TEX9: variants seen among roughly 807,000 people sequenced by gnomAD.
The protein encoded by TEX9 is testis expressed 9.
Under a neutral mutation model 59.6 loss-of-function variants are expected in TEX9, and 74 were observed. That is an observed-to-expected ratio of 1.24 (90% CI 1.03 to 1.51). The LOEUF (loss-of-function observed/expected upper bound fraction) is 1.51, where lower values mean the gene tolerates loss of function less well. Among genes scored for constraint, TEX9 ranks in the 40% most tolerant of loss-of-function variants. The pLI is 0.00. For synonymous variants in TEX9, 186 were observed against 152.2 expected (o/e 1.22, Z -1.64); for missense variants, 522 against 447.8 (o/e 1.17, Z -1.49).
At chr15:56,258,764 T>G (rs2141334253) in intron 1 of TEX9, among the ~76,000 whole-genome samples, 1 of 151,998 alleles carries the variant, frequency 6.6e-6, no homozygotes, top group Middle Eastern at 3.4e-3. Flanking sequence ...TATATTCATA[T>G]TGATAGTCTC....
At chr15:56,446,912 T>G (rs1423350369), downstream of TEX9, 3 of 1,609,608 alleles carry the variant, frequency 1.9e-6, no homozygotes, top group African/African-American at 4.0e-5. Context: ...TAAGCTGCTT[T>G]TAATTTCTTC....
chr15:56,342,238 T>G (rs1241987745), intron 1 of TEX9, among the ~76,000 whole-genome samples: 1 of 152,164 alleles, frequency 6.6e-6, no homozygotes, highest in African/African-American at 2.4e-5. Context: ...TTCATTACTC[T>G]TACATTTCAC....
At chr15:56,379,093 GA>G (rs1288910315) in intron 3 of TEX9, among the ~76,000 whole-genome samples, 3 of 127,986 alleles carry the variant, frequency 2.3e-5, no homozygotes, top group South Asian at 2.5e-4. Flanking sequence ...AAGAAAGAAA[GA>G]AAAAAAAAGA....
intron 12 of TEX9, chr15:56,428,535 G>T (rs1375906904): frequency 7.0e-6 from 6 of 854,420 alleles, no homozygotes; most frequent in African/African-American, 1.7e-5. Flanking sequence ...TTCTTCATAA[G>T]TAATATATTT....
At chr15:56,379,993 C>T (rs1055479046) in intron 3 of TEX9, among the ~76,000 whole-genome samples, 3 of 151,672 alleles carry the variant, frequency 2.0e-5, no homozygotes, top group Non-Finnish European at 4.4e-5. Flanking sequence ...TAAACCAGTC[C>T]GTCTTTTGAT....
chr15:56,369,904 G>A (rs2047113424), intron 2 of TEX9, among the ~76,000 whole-genome samples: 1 of 151,966 alleles, frequency 6.6e-6, no homozygotes, highest in Non-Finnish European at 1.5e-5. Context: ...TCCTTATAAT[G>A]TGGCCATTTT....
intron 1 of TEX9, among the ~76,000 whole-genome samples, chr15:56,256,542 A>C (rs1363770526): frequency 6.6e-6 from 1 of 152,086 alleles, no homozygotes; most frequent in African/African-American, 2.4e-5. Flanking sequence ...AAAGGAAAAA[A>C]ACATGAATAA....
chr15:56,291,790 G>A (rs2045101273), intron 1 of TEX9, among the ~76,000 whole-genome samples: 1 of 152,104 alleles, frequency 6.6e-6, no homozygotes. Flanking sequence ...GTTTTTCATA[G>A]GGCTTCAGCC....
At chr15:56,377,063 AG>A (rs759406972) in intron 3 of TEX9, among the ~76,000 whole-genome samples, 213 of 152,254 alleles carry the variant, frequency 1.4e-3, no homozygotes, top group Admixed American at 2.4e-3. Context: ...AGTTCACTGT[AG>A]GTATATGGAT....
intron 1 of TEX9, among the ~76,000 whole-genome samples, chr15:56,345,533 C>T (rs543105985): frequency 2.8e-4 from 42 of 152,250 alleles, no homozygotes; most frequent in African/African-American, 9.4e-4. Flanking sequence ...AGATGATCCT[C>T]CCACCTCAGC....
At chr15:56,361,550 G>T (rs995988729), upstream of TEX9, among the ~76,000 whole-genome samples, 4 of 151,984 alleles carry the variant, frequency 2.6e-5, no homozygotes, top group Admixed American at 6.6e-5. Context: ...TGTGCTCTGG[G>T]ACCACAATAA....
chr15:56,382,021 A>G (rs561547194), intron 3 of TEX9, among the ~76,000 whole-genome samples: 38 of 152,230 alleles, frequency 2.5e-4, no homozygotes, highest in Admixed American at 1.4e-3. Flanking sequence ...AATCTTAGAA[A>G]TTTATCTGGT....
chr15:56,398,659 C>T (rs1219175253), intron 9 of TEX9, among the ~76,000 whole-genome samples: 1 of 152,110 alleles, frequency 6.6e-6, no homozygotes, highest in Non-Finnish European at 1.5e-5. Context: ...TTTTCAGTTC[C>T]CATTTTGTGT....
At chr15:56,444,372 G>T in intron 12 of TEX9, 1 of 1,319,602 alleles carries the variant, frequency 7.6e-7, no homozygotes, top group Non-Finnish European at 1.0e-6. Context: ...AGGTGCTTCA[G>T]TTCCTCACAA....
intron 2 of TEX9, 141 bp downstream of exon 2, chr15:56,365,811 C>G: frequency 6.9e-7 from 1 of 1,454,082 alleles, no homozygotes; most frequent in Non-Finnish European, 9.0e-7. Flanking sequence ...CGTTCACCTG[C>G]CGTTTATCCT....
rs74665928 is a variant in TEX9 at position 56,428,292 on chromosome 15, T to G, written c.1099-75T>G. The G allele has an allele frequency of 7.8e-3, 8,304 of 1,070,278 alleles. 440 individuals carry two copies. The African/African-American group carries it at 0.11, about 14-fold the overall frequency. The allele number at this position is 1,070,278 out of a possible 1,614,324, so 66.3% of individuals were successfully genotyped here. On this transcript the variant is annotated intron_variant, in intron 11 of 12. Transcript: ENST00000352903. ...ATTCTGACAATATATTATCCACACA[T>G]TTTTACAAACTTCCTGTTGTTTGGT... is the stretch of plus-strand genomic sequence containing the variant.
chr15:56,290,540 C>T (rs2045064516), intron 1 of TEX9, among the ~76,000 whole-genome samples: 1 of 152,126 alleles, frequency 6.6e-6, no homozygotes, highest in Non-Finnish European at 1.5e-5. Flanking sequence ...CCTTGACCTT[C>T]TACGGTCCTC....
At chr15:56,346,178 C>A (rs143678569) in intron 1 of TEX9, among the ~76,000 whole-genome samples, 3 of 152,172 alleles carry the variant, frequency 2.0e-5, no homozygotes, top group African/African-American at 7.2e-5. Context: ...GGCTCTCAAT[C>A]GGCAAGAAGA....
At chr15:56,298,097 T>C (rs565425623) in intron 1 of TEX9, among the ~76,000 whole-genome samples, 1 of 152,408 alleles carries the variant, frequency 6.6e-6, no homozygotes, top group Admixed American at 6.5e-5. Context: ...ATGTTGATTA[T>C]GTGATCTGCA....
Sources: gnomAD v4.1 joint callset for allele counts (sites outside exome capture counted in the v4.1 genomes callset) on GRCh38, gnomAD v4.1.1 for gene constraint, MANE v1.5 for transcripts, NCBI Gene and HGNC (gene_info 2026-07-23, HGNC 2026-07-21) for gene names.